Variants in RAB43 observed in about 807,000 individuals in gnomAD.
RAB43 encodes the protein RAB43, member RAS oncogene family.
RAB43 carries 6 observed loss-of-function variants against 18.8 expected under a neutral mutation model. The observed-to-expected ratio is 0.32, with a 90% CI of 0.17 to 0.63. The LOEUF (loss-of-function observed/expected upper bound fraction) is 0.63. Among genes scored for constraint, RAB43 ranks in the 30% least tolerant of loss-of-function variants. RAB43 has a pLI of 0.79. For synonymous variants in RAB43, 103 were observed against 124.1 expected (o/e 0.83, Z 1.13); for missense variants, 195 against 289.1 (o/e 0.67, Z 2.36).
chr3:129,093,077 G>A (rs930831865), intron 2 of RAB43, among the ~76,000 whole-genome samples: 8 of 151,764 alleles, frequency 5.3e-5, no homozygotes, highest in African/African-American at 1.5e-4. Flanking sequence ...TACAATCTCC[G>A]CCTCCCAGGT....
In RAB43 at chr3:129,121,267, G is replaced by A. The variant is rs752357872; in HGVS notation, c.204+19C>T. On this transcript the variant is annotated intron_variant, in intron 1 of 2. Transcript: ENST00000315150. Reference sequence around the variant, plus strand: ...CCCTCCGAGGGAGCGCCTTCCAGGGGCCCTGGCCGGCCTCCCACCTTGACC... The same window carrying A: ...CCCTCCGAGGGAGCGCCTTCCAGGGACCCTGGCCGGCCTCCCACCTTGACC... 6.9e-6 allele frequency: 11 copies of A among 1,584,294 alleles called. No homozygotes were observed. The Admixed American group carries it at 1.6e-4, about 24-fold the overall frequency.
rs914469860 is a variant in RAB43, at chr3:129,115,947, T to C, written c.204+5339A>G. Among the ~76,000 whole-genome samples, 10 of 152,380 alleles carry C rather than the reference T, an allele frequency of 6.6e-5. No individual in the cohort carries two copies. In the South Asian group the frequency reaches 2.1e-3, roughly 32 times the overall value. On this transcript the variant is annotated intron_variant, in intron 1 of 2. Coordinates refer to ENST00000315150, the MANE Select transcript of RAB43 (RefSeq NM_198490.3). ...TCCGTCCCACCTGGGATGTGAATCA[T>C]ACCTTTGTCCAGCATGTACTGTATC...
At chr3:129,113,170 A>ATTT (rs1251520604) in intron 1 of RAB43, among the ~76,000 whole-genome samples, 2 of 134,410 alleles carry the variant, frequency 1.5e-5, no homozygotes, top group Admixed American at 7.6e-5. Context: ...TATTATTATT[A>ATTT]TTTTTTTTTT....
In RAB43 at chr3:129,095,225, G is replaced by A. The variant is rs1933962660; in HGVS notation, c.205-56C>T. Reference sequence around the variant, plus strand: ...GTGGCACAGGCTGAACATGGGGACAGGCAGAGTGACCCCACAGACCCACAC... The same window carrying A: ...GTGGCACAGGCTGAACATGGGGACAAGCAGAGTGACCCCACAGACCCACAC... On this transcript the variant is annotated intron_variant, in intron 1 of 2. Transcript: ENST00000315150. This position sits in a 1 kb window ranked among gnomAD's most constrained non-coding sequence, Gnocchi z 4.2. 4.4e-6 allele frequency: 7 copies of A among 1,576,856 alleles called. No homozygotes were observed. Among genetic ancestry groups the A allele is most frequent in the African/African-American group, 4.0e-5 (3 of 74,546 alleles).
chr3:129,103,442 C>T lies in RAB43; in HGVS notation c.205-8273G>A, dbSNP rs141640847. Among the ~76,000 whole-genome samples the T allele has an allele frequency of 1.0e-3, 155 of 152,354 alleles. 2 individuals are homozygous for T. In the Middle Eastern group the frequency reaches 0.031, roughly 30 times the overall value. On this transcript the variant is annotated intron_variant, in intron 1 of 2. Transcript: ENST00000315150. ...TGGCAACCCCAGGATCTGCCTCTAG[C>T]TGCCTGCTGGCCATTCCTGGAGTAC...
chr3:129,109,981 C>G (rs528139612), intron 1 of RAB43, among the ~76,000 whole-genome samples: 46 of 151,836 alleles, frequency 3.0e-4, no homozygotes, highest in Admixed American at 2.8e-3. Context: ...CCTCCCACCT[C>G]AGTCTCCTGA....
intron 1 of RAB43, among the ~76,000 whole-genome samples, chr3:129,096,780 A>G (rs2107987319): frequency 6.6e-6 from 1 of 152,300 alleles, no homozygotes; most frequent in East Asian, 1.9e-4. Context: ...AAATCCCTCC[A>G]AAGTAGAGAA....
At chr3:129,105,675 G>A (rs1178264462) in intron 1 of RAB43, among the ~76,000 whole-genome samples, 2 of 151,140 alleles carry the variant, frequency 1.3e-5, no homozygotes, top group Non-Finnish European at 2.9e-5. Context: ...ATCTACTCAG[G>A]AGGCTGAGGC....
chr3:129,105,979 C>T (rs13069596), intron 1 of RAB43, among the ~76,000 whole-genome samples: 122,061 of 152,002 alleles, frequency 0.8, 53,274 homozygotes, highest in Non-Finnish European at 0.97. Flanking sequence ...AGAGAAGGGC[C>T]TCAACACATC....
Position 129,087,766 on chromosome 3 carries a change from T to G in RAB43, c.*3330A>C, listed in dbSNP as rs1933434893. ...TGACTGAAGCCCTGTTCACCCCAAG[T>G]CCAGGCCCTGCAGGGGTCCGAGGGT... On this transcript the variant is annotated 3_prime_UTR_variant, in exon 3 of 3. Coordinates refer to ENST00000315150, the MANE Select transcript of RAB43 (RefSeq NM_198490.3). 6.6e-6 allele frequency: 1 copy of G among 150,700 alleles called. No individual in the cohort carries two copies. Among genetic ancestry groups the G allele is most frequent in the Non-Finnish European group, 1.5e-5 (1 of 67,700 alleles). 9.3% of individuals were successfully genotyped at this position (150,700 alleles called of 1,614,324 possible). A position where few individuals can be genotyped will look rare whatever the true frequency, so the allele number is the denominator to read the frequency against.
chr3:129,106,902 C>T (rs940123752), intron 1 of RAB43, among the ~76,000 whole-genome samples: 2 of 152,180 alleles, frequency 1.3e-5, no homozygotes, highest in Admixed American at 1.3e-4. Context: ...GATGTGCGTT[C>T]CTGTTCCTGT....
intron 2 of RAB43, among the ~76,000 whole-genome samples, chr3:129,094,757 T>C (rs1178123833): frequency 6.6e-6 from 1 of 151,998 alleles, no homozygotes; most frequent in Non-Finnish European, 1.5e-5. Flanking sequence ...GACCTTGTGA[T>C]CCGCCCGCCT....
rs1020605334 is a variant in RAB43, at chr3:129,121,626, C to G, written c.-137G>C. ...GGAGCCGCCGCAACACCTGAACCCC[C>G]AGCACTGCCGACCGCCTGCCTCGGC... On this transcript the variant is annotated 5_prime_UTR_variant, in exon 1 of 3. Coordinates refer to ENST00000315150, the MANE Select transcript of RAB43 (RefSeq NM_198490.3). 1.1e-5 allele frequency: 7 copies of G among 632,134 alleles called. No individual in the cohort carries two copies. The South Asian group carries it at 1.7e-4, about 16-fold the overall frequency. The allele number at this position is 632,134 out of a possible 1,614,324, so 39.2% of individuals were successfully genotyped here.
At chr3:129,092,703 TC>T in intron 2 of RAB43, 1 of 412,884 alleles carries the variant, frequency 2.4e-6, no homozygotes, top group Non-Finnish European at 4.3e-6. Flanking sequence ...ACGCCTGTAA[TC>T]CCAGCACTTT....
intron 1 of RAB43, among the ~76,000 whole-genome samples, chr3:129,110,844 G>T (rs1935122281): frequency 6.6e-6 from 1 of 150,986 alleles, no homozygotes; most frequent in South Asian, 2.1e-4. Context: ...ACTGAATCAC[G>T]CACTTTAAGT....
In RAB43 at chr3:129,121,207, T is replaced by C. The variant is rs958538968; in HGVS notation, c.204+79A>G. ...AACTTCAGATGGACGCGGGGTGCGC[T>C]CGCCGCGGCCAGGGGCTCCGCTGCC... is the stretch of plus-strand genomic sequence containing the variant. On this transcript the variant is annotated intron_variant, in intron 1 of 2. Coordinates refer to ENST00000315150, the MANE Select transcript of RAB43 (RefSeq NM_198490.3). 56 of 1,310,958 alleles carry C rather than the reference T, an allele frequency of 4.3e-5. No individual in the cohort carries two copies. The African/African-American group carries it at 8.1e-4, about 19-fold the overall frequency. The allele number at this position is 1,310,958 out of a possible 1,614,324, so 81.2% of individuals were successfully genotyped here. A position where few individuals can be genotyped will look rare whatever the true frequency, so the allele number is the denominator to read the frequency against.
At position 129,121,766 on chromosome 3, in the gene RAB43, A is replaced by C; in HGVS notation, c.-277T>G. The C allele has an allele frequency of 9.2e-6, 2 of 217,232 alleles. No homozygotes were observed. Among genetic ancestry groups the C allele is most frequent in the Non-Finnish European group, 8.8e-6 (1 of 113,120 alleles). 13.5% of individuals were successfully genotyped at this position (217,232 alleles called of 1,614,324 possible). On this transcript the variant is annotated 5_prime_UTR_variant, in exon 1 of 3. Transcript: ENST00000315150. ...GACCCGCCAAGCCGGGCCCTCCGCA[A>C]AGCTCCGGCCGGTCCTCAGCTCCGT...
intron 1 of RAB43, among the ~76,000 whole-genome samples, chr3:129,101,997 G>A (rs1934445640): frequency 6.6e-6 from 1 of 152,210 alleles, no homozygotes; most frequent in African/African-American, 2.4e-5. Flanking sequence ...TGGCCAGGGA[G>A]GCCTGCCGGA....
At chr3:129,108,011 T>C (rs1206221189) in intron 1 of RAB43, among the ~76,000 whole-genome samples, 1 of 152,178 alleles carries the variant, frequency 6.6e-6, no homozygotes, top group Non-Finnish European at 1.5e-5. Flanking sequence ...CTGGCCCTCG[T>C]ATTTGCCATG....
Sources: allele counts gnomAD v4.1 joint callset (sites outside exome capture counted in the v4.1 genomes callset), GRCh38; gene constraint gnomAD v4.1.1; non-coding constraint Gnocchi (gnomAD v3.1); transcripts MANE v1.5; gene names NCBI Gene and HGNC (gene_info 2026-07-23, HGNC 2026-07-21).